TDP1: variants seen among roughly 807,000 people sequenced by gnomAD.
The protein encoded by TDP1 is tyrosyl-DNA phosphodiesterase 1.
TDP1 carries 64 observed loss-of-function variants against 81.5 expected under a neutral mutation model. The observed-to-expected ratio is 0.79, with a 90% CI of 0.64 to 0.97. The LOEUF (loss-of-function observed/expected upper bound fraction) is 0.97, where lower values mean the gene tolerates loss of function less well. Among genes scored for constraint, TDP1 ranks in the 50% least tolerant of loss-of-function variants. The pLI, the probability that TDP1 is intolerant of heterozygous loss-of-function variation, is 0.00. For missense variants in TDP1, 723 were observed against 743.8 expected, an observed-to-expected ratio of 0.97 and a Z score of 0.33; for synonymous variants, 256 against 264.3, an observed-to-expected ratio of 0.97 and a Z score of 0.30.
chr14:89,982,938 C>G (rs895594756), intron 8 of TDP1, among the ~76,000 whole-genome samples: 1 of 152,210 alleles, frequency 6.6e-6, no homozygotes, highest in Non-Finnish European at 1.5e-5. Flanking sequence ...CATGATCCAC[C>G]TGTTGATTTC....
At chr14:90,023,520 A>C (rs1886326292) in intron 15 of TDP1, among the ~76,000 whole-genome samples, 1 of 152,148 alleles carries the variant, frequency 6.6e-6, no homozygotes, top group South Asian at 2.1e-4. Flanking sequence ...ATCTTACAAA[A>C]TATAATTCTG....
At chr14:89,988,803 G>A in intron 10 of TDP1, 102 bp from the exon 11 acceptor site, 1 of 1,560,296 alleles carries the variant, frequency 6.4e-7, no homozygotes, top group Non-Finnish European at 8.7e-7. Context: ...AGCTTTTCTT[G>A]TTAATTAGGC....
intron 14 of TDP1, among the ~76,000 whole-genome samples, chr14:90,000,248 A>T (rs1044161578): frequency 2.0e-5 from 3 of 152,166 alleles, no homozygotes; most frequent in Admixed American, 1.3e-4. Context: ...CCCACCCAGG[A>T]TTGTTTCCCT....
chr14:89,987,936 C>G (rs537112045), intron 10 of TDP1, among the ~76,000 whole-genome samples: 112 of 152,274 alleles, frequency 7.4e-4, no homozygotes, highest in Non-Finnish European at 1.3e-3. Context: ...CTCCATCCCA[C>G]AAGACTGCCC....
At chr14:90,039,962 C>T (rs1412462116) in intron 16 of TDP1, among the ~76,000 whole-genome samples, 1 of 152,182 alleles carries the variant, frequency 6.6e-6, no homozygotes, top group Non-Finnish European at 1.5e-5. Context: ...TGCCCACACC[C>T]CCTTTCCCGT....
chr14:90,011,882 G>T (rs948526049), intron 14 of TDP1, among the ~76,000 whole-genome samples: 2 of 152,236 alleles, frequency 1.3e-5, no homozygotes, highest in African/African-American at 4.8e-5. Context: ...ATGTTCTGAG[G>T]ACTACAGAAA....
chr14:89,966,949 G>C, intron 4 of TDP1: 1 of 983,454 alleles, frequency 1.0e-6, no homozygotes, highest in Non-Finnish European at 1.2e-6. Context: ...TAGCCTGAAA[G>C]GAAATGTTCT....
At chr14:89,970,781 G>A (rs1041901919) in intron 5 of TDP1, 15 of 955,126 alleles carry the variant, frequency 1.6e-5, no homozygotes, top group Middle Eastern at 5.3e-4. Flanking sequence ...AAGGAAGCTA[G>A]CATTCCTTAA....
chr14:89,990,890 C>A (rs1896108847), intron 12 of TDP1, among the ~76,000 whole-genome samples: 1 of 152,114 alleles, frequency 6.6e-6, no homozygotes, highest in African/African-American at 2.4e-5. Context: ...GAGTTTTCTT[C>A]ATTTTAAAAA....
chr14:90,032,740 AGTATTTTGAG>A, intron 15 of TDP1: 2 of 985,346 alleles, frequency 2.0e-6, no homozygotes, highest in Non-Finnish European at 2.4e-6. Context: ...CAATGTTGGA[AGTATTTTGAG>A]GTATTTTTAT....
intron 10 of TDP1, chr14:89,987,154 TAATCCTTCTA>T (rs1459196115): frequency 6.6e-6 from 1 of 152,236 alleles, no homozygotes; most frequent in Non-Finnish European, 1.5e-5. Flanking sequence ...TCAAAATATG[TAATCCTTCTA>T]GGTATTGTTT....
At chr14:89,971,084 C>T (rs1172189403) in intron 5 of TDP1, 91 bp from the exon 6 acceptor site, 5 of 1,100,654 alleles carry the variant, frequency 4.5e-6, no homozygotes, top group Non-Finnish European at 5.4e-6. Flanking sequence ...AGTCCACCTG[C>T]CTCGGCCTCC....
intron 15 of TDP1, among the ~76,000 whole-genome samples, chr14:90,031,748 G>A (rs1387390681): frequency 6.6e-6 from 1 of 152,112 alleles, no homozygotes; most frequent in African/African-American, 2.4e-5. Flanking sequence ...TGCCACCTCT[G>A]GGCCTTTGCG....
intron 14 of TDP1, among the ~76,000 whole-genome samples, chr14:90,014,640 GTGC>G (rs936253543): frequency 6.6e-6 from 1 of 152,158 alleles, no homozygotes; most frequent in Non-Finnish European, 1.5e-5. Flanking sequence ...TGTACTCTTT[GTGC>G]TGCTGCTGCT....
At chr14:89,967,882 T>C (rs944470064) in intron 5 of TDP1, among the ~76,000 whole-genome samples, 1 of 152,166 alleles carries the variant, frequency 6.6e-6, no homozygotes, top group Non-Finnish European at 1.5e-5. Context: ...CTGGAGGTGA[T>C]GGATTTTTAG....
At chr14:89,985,022 C>A in intron 9 of TDP1, 110 bp from the exon 10 acceptor site, 3 of 1,328,806 alleles carry the variant, frequency 2.3e-6, no homozygotes, top group South Asian at 1.4e-5. Flanking sequence ...AATGGATTGG[C>A]TCTTAGATCA....
chr14:90,012,220 T>A lies in TDP1; in HGVS notation c.1542-7096T>A, dbSNP rs537509709. ...AGAATTGAGGTTTGGGAACCTCTAC[T>A]TACATTTCAAAGGATGTATGGAAAA... is the stretch of plus-strand genomic sequence containing the variant. On this transcript the variant is annotated intron_variant, in intron 14 of 16. Transcript: ENST00000335725. 8.5e-5 allele frequency among the ~76,000 whole-genome samples: 13 copies of A among 152,310 alleles called. No individual in the cohort carries two copies. The South Asian group carries it at 2.7e-3, about 32-fold the overall frequency.
At chr14:89,961,684 G>T (rs1296931607) in intron 2 of TDP1, among the ~76,000 whole-genome samples, 1 of 152,104 alleles carries the variant, frequency 6.6e-6, no homozygotes, top group African/African-American at 2.4e-5. Flanking sequence ...TTTCTCTGGG[G>T]TCCCCTTAGC....
chr14:90,011,720 G>A (rs916527271), intron 14 of TDP1, among the ~76,000 whole-genome samples: 2 of 152,186 alleles, frequency 1.3e-5, no homozygotes, highest in African/African-American at 4.8e-5. Context: ...AAGCAGCAAA[G>A]TGTTTGAGGT....
Sources: allele counts gnomAD v4.1 joint callset (sites outside exome capture counted in the v4.1 genomes callset), GRCh38; gene constraint gnomAD v4.1.1; transcripts MANE v1.5; gene names NCBI Gene and HGNC (gene_info 2026-07-23, HGNC 2026-07-21).